TOPORS: variants seen among roughly 807,000 people sequenced by gnomAD.
TOPORS encodes the protein E3 ubiquitin-protein ligase Topors.
A neutral mutation model predicts 81.4 loss-of-function variants in TOPORS; 25 were observed. That is an observed-to-expected ratio of 0.31 (90% CI 0.22 to 0.43). The LOEUF (loss-of-function observed/expected upper bound fraction) is 0.43. Among genes scored for constraint, TOPORS ranks in the 20% least tolerant of loss-of-function variants. The probability of loss-of-function intolerance (pLI) is 1.00; values close to 1 mark genes in which losing one functional copy is unlikely to be tolerated. For missense variants in TOPORS, 1,101 were observed against 1,267.0 expected (o/e 0.87, Z 1.99); for synonymous variants, 473 against 456.6 (o/e 1.04, Z -0.46).
In TOPORS at chr9:32,543,439, A is replaced by C. The variant is rs778224145; in HGVS notation, c.1086T>G (p.Pro362=). 2 of 1,613,978 alleles carry C rather than the reference A, an allele frequency of 1.2e-6. No individual in the cohort carries two copies. The highest frequency in any genetic ancestry group is 2.2e-5 in the South Asian group (2 of 91,084). Residue 362 remains proline, a synonymous_variant, in exon 3 of 3, where the codon CCT becomes CCG. Transcript: ENST00000360538. This position sits in a 1 kb window ranked among gnomAD's most constrained non-coding sequence, Gnocchi z 5.6. ...IHEFISFARS[P]FNMAAFDQHA... Reference sequence around the variant, plus strand: ...GCTGGTCAAAGGCTGCCATGTTAAAAGGAGATCGGGCAAAACTGATAAATT... The same window carrying C: ...GCTGGTCAAAGGCTGCCATGTTAAACGGAGATCGGGCAAAACTGATAAATT...
Position 32,541,000 on chromosome 9 carries a change from A to G in TOPORS, c.*387T>C, listed in dbSNP as rs1021803251. 6 of 172,884 alleles carry G rather than the reference A, an allele frequency of 3.5e-5. No individual in the cohort carries two copies. Among genetic ancestry groups the G allele is most frequent in the African/African-American group, 1.4e-4 (6 of 41,576 alleles). 10.7% of individuals were successfully genotyped at this position (172,884 alleles called of 1,614,324 possible). ...CTGTCCAAAGGGATTCTCCTAGCTT[A>G]TAACACATTTCCAGAATAACTCTCA... On this transcript the variant is annotated 3_prime_UTR_variant, in exon 3 of 3. Transcript: ENST00000360538.
Position 32,542,589 on chromosome 9 carries a change from ATC to A in TOPORS, c.1934_1935del (p.Arg645IlefsTer4), listed in dbSNP as rs766231070. The A allele has an allele frequency of 6.2e-7, 1 of 1,613,774 alleles. No individual in the cohort carries two copies. Among genetic ancestry groups the A allele is most frequent in the East Asian group, 2.2e-5 (1 of 44,836 alleles). ...SRPRGRRDKK[R>X]SRTRDSSWSR... Reference sequence around the variant, plus strand: ...GACCAACTGCTATCTCTAGTTCTTGATCTCTTTTTGTCTCTTCTCCCTCTAGG... The same window carrying A: ...GACCAACTGCTATCTCTAGTTCTTGATCTTTTTGTCTCTTCTCCCTCTAGG... On this transcript the variant is annotated frameshift_variant, in exon 3 of 3. Coordinates refer to ENST00000360538, the MANE Select transcript of TOPORS (RefSeq NM_005802.5). LOFTEE classifies it high-confidence loss of function.
chr9:32,543,540 A>G lies in TOPORS; in HGVS notation c.985T>C (p.Tyr329His). ...QHIIMSNVTR[Y>H]DLESQAFVSD... ...ACAAATGCCTGACTCTCCAAGTCAT[A>G]GCGAGTAACATTACTCATGATAATA... Residue 329 changes from tyrosine (Y) to histidine (H), a missense_variant, in exon 3 of 3, where the codon TAT (tyrosine) becomes CAT (histidine). Transcript: ENST00000360538. This position sits in a 1 kb window ranked among gnomAD's most constrained non-coding sequence, Gnocchi z 5.6. 6.2e-7 allele frequency: 1 copy of G among 1,614,002 alleles called. No individual in the cohort carries two copies. The highest frequency in any genetic ancestry group is 8.5e-7 in the Non-Finnish European group (1 of 1,179,992).
At chr9:32,551,121 A>C (rs1432601309) in intron 1 of TOPORS, 153 bp from the exon 2 acceptor site, 1 of 965,114 alleles carries the variant, frequency 1.0e-6, no homozygotes, top group Non-Finnish European at 1.6e-6. Flanking sequence ...GGCTCAGCGC[A>C]CCGGCCCAAA....
chr9:32,551,163 G>C, intron 1 of TOPORS, 195 bp from the exon 2 acceptor site: 1 of 671,104 alleles, frequency 1.5e-6, no homozygotes, highest in Non-Finnish European at 2.6e-6. Context: ...CCAGACCCCG[G>C]AGGAGGGCAG....
In TOPORS at chr9:32,551,169, G is replaced by A. The variant is rs376302243; in HGVS notation, c.4-201C>T. 1.6e-4 allele frequency: 102 copies of A among 657,342 alleles called. No individual in the cohort carries two copies. The East Asian group carries it at 2.1e-3, about 14-fold the overall frequency. The allele number at this position is 657,342 out of a possible 1,614,324, so 40.7% of individuals were successfully genotyped here. A position where few individuals can be genotyped will look rare whatever the true frequency, so the allele number is the denominator to read the frequency against. Reference sequence around the variant, plus strand: ...CCCGCCGCTCCAGACCCCGGAGGAGGGCAGCGCGACCCTCCCCATCTTGTT... The same window carrying A: ...CCCGCCGCTCCAGACCCCGGAGGAGAGCAGCGCGACCCTCCCCATCTTGTT... On this transcript the variant is annotated intron_variant, in intron 1 of 2. Coordinates refer to ENST00000360538, the MANE Select transcript of TOPORS (RefSeq NM_005802.5).
intron 2 of TOPORS, among the ~76,000 whole-genome samples, chr9:32,547,999 ATTTTTTTT>A (rs747727912): frequency 2.5e-4 from 21 of 83,714 alleles, no homozygotes; most frequent in Non-Finnish European, 3.8e-4. Flanking sequence ...CACGCTCGGC[ATTTTTTTT>A]TTTTTTTTTT....
intron 1 of TOPORS, 81 bp downstream of exon 1, chr9:32,552,353 C>G: frequency 6.4e-7 from 1 of 1,563,746 alleles, no homozygotes; most frequent in Non-Finnish European, 8.7e-7. Context: ...TGGCTGCTGG[C>G]GCCTGGCAGC....
At chr9:32,550,308 A>C (rs1821211929) in intron 2 of TOPORS, among the ~76,000 whole-genome samples, 1 of 152,114 alleles carries the variant, frequency 6.6e-6, no homozygotes, top group African/African-American at 2.4e-5. Context: ...CCAACTCCCA[A>C]AGCCACGGTG....
In TOPORS at chr9:32,543,937, A is replaced by G. The variant is rs1821108873; in HGVS notation, c.588T>C (p.Ser196=). 6.2e-7 allele frequency: 1 copy of G among 1,614,152 alleles called. No individual in the cohort carries two copies. The highest frequency in any genetic ancestry group is 1.1e-5 in the South Asian group (1 of 91,078). The change falls in exon 3 of 3, where the codon AGT becomes AGC. Residue 196 remains serine (S), a synonymous_variant. Transcript: ENST00000360538. The surrounding 1 kb of genome is among the most constrained non-coding windows in gnomAD (Gnocchi z 5.6). ...RERNASVYSP[S]GPVNRRTTTP... is the part of the protein sequence containing the mutation. ...TTGTTGTTCTTCTGTTCACAGGACCACTAGGTGAATACACAGAAGCATTTC... is the reference window on the plus strand; with the variant it reads ...TTGTTGTTCTTCTGTTCACAGGACCGCTAGGTGAATACACAGAAGCATTTC...
At chr9:32,546,300 A>G (rs754680069) in intron 2 of TOPORS, among the ~76,000 whole-genome samples, 6 of 152,246 alleles carry the variant, frequency 3.9e-5, no homozygotes, top group Non-Finnish European at 7.3e-5. Context: ...CAAGAAATTT[A>G]AAGAAACACA....
intron 1 of TOPORS, 156 bp from the exon 2 acceptor site, chr9:32,551,124 G>C (rs1417822660): frequency 8.5e-6 from 8 of 938,428 alleles, no homozygotes; most frequent in Non-Finnish European, 1.1e-5. Context: ...TCAGCGCACC[G>C]GCCCAAATGC....
At position 32,552,549 on chromosome 9, in the gene TOPORS, C is replaced by T; in HGVS notation, c.-113G>A. 7.2e-7 allele frequency: 1 copy of T among 1,394,744 alleles called. No homozygotes were observed. Among genetic ancestry groups the T allele is most frequent in the Non-Finnish European group, 1.0e-6 (1 of 1,004,458 alleles). 86.4% of individuals were successfully genotyped at this position (1,394,744 alleles called of 1,614,324 possible). ...GCCCGCAGGCGGAAAGGCCCTATTT[C>T]TTCAGCACCCAGAAACTCCAAAATC... On this transcript the variant is annotated 5_prime_UTR_variant, in exon 1 of 3. Coordinates refer to ENST00000360538, the MANE Select transcript of TOPORS (RefSeq NM_005802.5).
chr9:32,541,429 T>A lies in TOPORS; in HGVS notation c.3096A>T (p.Ser1032=). The change falls in exon 3 of 3, where the codon TCA becomes TCT. Residue 1032 remains serine (S), a synonymous_variant. Transcript: ENST00000360538. ...PSRQLPSPRT[S]LMSVCLGRDC... Reference sequence around the variant, plus strand: ...CTCTACCAAGACATACTGACATTAATGATGTCCGTGGCGATGGCAATTGCC... The same window carrying A: ...CTCTACCAAGACATACTGACATTAAAGATGTCCGTGGCGATGGCAATTGCC... The A allele has an allele frequency of 6.2e-7, 1 of 1,614,208 alleles. No individual in the cohort carries two copies.
chr9:32,542,630 C>T lies in TOPORS; in HGVS notation c.1895G>A (p.Arg632Lys), dbSNP rs1022558998. 9 of 1,614,104 alleles carry T rather than the reference C, an allele frequency of 5.6e-6. No homozygotes were observed. Among genetic ancestry groups the T allele is most frequent in the South Asian group, 3.3e-5 (3 of 91,080 alleles). ...KRMKSKRSRS[R>K]ESSRPRGRRD... Reference sequence around the variant, plus strand: ...TCTCCCTCTAGGTCTGCTACTTTCCCTGCTTCTGGATCGTTTACTTTTCAT... The same window carrying T: ...TCTCCCTCTAGGTCTGCTACTTTCCTTGCTTCTGGATCGTTTACTTTTCAT... Residue 632 changes from arginine to lysine, a missense_variant, in exon 3 of 3, where the codon AGG becomes AAG. Physicochemically the swap from Arg to Lys is conservative, Grantham distance 26 (BLOSUM62 2). Transcript: ENST00000360538.
chr9:32,551,854 A>G (rs1451438963), intron 1 of TOPORS: 1 of 433,652 alleles, frequency 2.3e-6, no homozygotes, highest in Non-Finnish European at 4.7e-6. Context: ...ATTACGCTAT[A>G]CGTTTCTGAA....
rs1821091620 is a variant in TOPORS at position 32,542,938 on chromosome 9, A to G, written c.1587T>C (p.Val529=). 5 of 1,614,110 alleles carry G rather than the reference A, an allele frequency of 3.1e-6. No individual in the cohort carries two copies. The South Asian group carries it at 4.4e-5, about 14-fold the overall frequency. ...CAGAGTGTGGAGATGAGCATCTACT[A>G]ACATCGCTATCACCAGAACTGTAAG... ...EQSYSSGDSD[V]SRCSSPHSVL... Residue 529 remains valine (V), a synonymous_variant, in exon 3 of 3, where the codon GTT becomes GTC. Coordinates refer to ENST00000360538, the MANE Select transcript of TOPORS (RefSeq NM_005802.5).
rs757714973 is a variant in TOPORS at position 32,541,799 on chromosome 9, G to A, written c.2726C>T (p.Thr909Ile). 1.2e-6 allele frequency: 2 copies of A among 1,614,158 alleles called. No individual in the cohort carries two copies. Among genetic ancestry groups the A allele is most frequent in the African/African-American group, 1.3e-5 (1 of 75,036 alleles). ...DNASRSPVVI[T>I]IDSDSDKDSE... Reference sequence around the variant, plus strand: ...ATCCTTATCACTGTCACTGTCAATGGTAATTACAACTGGGGAACGTGAAGC... The same window carrying A: ...ATCCTTATCACTGTCACTGTCAATGATAATTACAACTGGGGAACGTGAAGC... Residue 909 changes from threonine to isoleucine, a missense_variant, in exon 3 of 3, where the codon ACC becomes ATC. This residue lies in a region of TOPORS where 605 missense variants were observed against 636.1 expected (regional missense o/e 0.95). Transcript: ENST00000360538.
intron 2 of TOPORS, among the ~76,000 whole-genome samples, chr9:32,547,999 AT>A (rs747727912): frequency 0.033 from 2,755 of 83,632 alleles, 43 homozygotes; most frequent in East Asian, 0.11. Context: ...CACGCTCGGC[AT>A]TTTTTTTTTT....
Sources: allele counts gnomAD v4.1 joint callset (sites outside exome capture counted in the v4.1 genomes callset), GRCh38; gene constraint gnomAD v4.1.1; regional missense constraint gnomAD v4.1.1; non-coding constraint Gnocchi (gnomAD v3.1); transcripts MANE v1.5; gene names NCBI Gene and HGNC (gene_info 2026-07-23, HGNC 2026-07-21).